The following PRDM4 variants were observed in gnomAD, a reference collection of about 807,000 sequenced individuals.
PRDM4 encodes PR domain zinc finger protein 4.
Under a neutral mutation model 62.3 loss-of-function variants are expected in PRDM4, and 38 were observed. The ratio of observed to expected loss-of-function variants is 0.61; its 90% CI spans 0.47 to 0.80. The LOEUF (loss-of-function observed/expected upper bound fraction) is 0.80, where lower values mean the gene tolerates loss of function less well. Among genes scored for constraint, PRDM4 ranks in the 30% least tolerant of loss-of-function variants. The pLI, the probability that PRDM4 is intolerant of heterozygous loss-of-function variation, is 0.00. For missense variants in PRDM4, 858 were observed against 997.1 expected, an observed-to-expected ratio of 0.86 and a Z score of 1.88; for synonymous variants, 339 against 348.2, an observed-to-expected ratio of 0.97 and a Z score of 0.30.
chr12:107,758,729 T>G (rs901964334), intron 2 of PRDM4, among the ~76,000 whole-genome samples: 22 of 152,230 alleles, frequency 1.4e-4, no homozygotes, highest in African/African-American at 5.3e-4. Flanking sequence ...ATAGACCTGT[T>G]TCTTGCATTA....
At chr12:107,757,855 G>T (rs1431961615) in intron 2 of PRDM4, among the ~76,000 whole-genome samples, 1 of 152,054 alleles carries the variant, frequency 6.6e-6, no homozygotes, top group Non-Finnish European at 1.5e-5. Context: ...GAGTAATACT[G>T]ATTTGAATAA....
chr12:107,743,388 C>T, intron 7 of PRDM4, 106 bp from the exon 8 acceptor site: 1 of 743,998 alleles, frequency 1.3e-6, no homozygotes, highest in Non-Finnish European at 2.3e-6. Flanking sequence ...GCAGTAGGTC[C>T]CAGCTTTCTT....
intron 2 of PRDM4, chr12:107,758,274 G>A (rs1322667081): frequency 1.6e-5 from 2 of 123,226 alleles, no homozygotes; most frequent in African/African-American, 6.6e-5. Context: ...TTTTGAGACA[G>A]GGTCTTGCTC....
Position 107,760,648 on chromosome 12 carries a change from G to T in PRDM4, c.-133C>A. On this transcript the variant is annotated 5_prime_UTR_variant, in exon 2 of 12. Transcript: ENST00000228437. ...CACCGACGCGGCCACTCGTCCCCGG[G>T]GTCGCCCGGGGCCGCCCAACTTCTC... is the stretch of plus-strand genomic sequence containing the variant. 8.4e-7 allele frequency: 1 copy of T among 1,184,740 alleles called. No homozygotes were observed. Among genetic ancestry groups the T allele is most frequent in the Non-Finnish European group, 1.2e-6 (1 of 851,532 alleles). 73.4% of individuals were successfully genotyped at this position (1,184,740 alleles called of 1,614,324 possible).
At chr12:107,744,684 T>C (rs1890630662) in intron 6 of PRDM4, 23 bp from the exon 7 acceptor site, 1 of 1,611,374 alleles carries the variant, frequency 6.2e-7, no homozygotes, top group Non-Finnish European at 8.5e-7. Flanking sequence ...GGACACCAAC[T>C]ACACAATCAA....
chr12:107,753,684 AAAG>A (rs1244780103), intron 4 of PRDM4, among the ~76,000 whole-genome samples: 1 of 152,236 alleles, frequency 6.6e-6, no homozygotes, highest in Non-Finnish European at 1.5e-5. Context: ...ACTGGAGGAG[AAAG>A]AAGAAAAATT....
chr12:107,753,000 A>G (rs1890945107), intron 4 of PRDM4, among the ~76,000 whole-genome samples: 2 of 152,232 alleles, frequency 1.3e-5, no homozygotes, highest in African/African-American at 4.8e-5. Context: ...AAAACCACGT[A>G]GCAGCAAAGG....
intron 11 of PRDM4, among the ~76,000 whole-genome samples, chr12:107,735,658 C>G (rs1268564165): frequency 6.6e-6 from 1 of 151,884 alleles, no homozygotes; most frequent in East Asian, 1.9e-4. Context: ...AAAAAATTAA[C>G]CCGGTCAAAA....
Position 107,739,436 on chromosome 12 carries a change from G to A in PRDM4, c.2040C>T (p.Asp680=), listed in dbSNP as rs749660735. The change falls in exon 11 of 12, where the codon GAC becomes GAT. Residue 680 remains aspartate (D), a synonymous_variant. Coordinates refer to ENST00000228437, the MANE Select transcript of PRDM4 (RefSeq NM_012406.4). ...GGTCCTGCCTCCGCATAAACAACTT[G>A]TCACAGTAATCACACTTAAGATTCT... is the stretch of plus-strand genomic sequence containing the variant. ...GEKNLKCDYC[D]KLFMRRQDLK... 2 of 1,613,922 alleles carry A rather than the reference G, an allele frequency of 1.2e-6. No homozygotes were observed.
chr12:107,749,621 A>G (rs998221593), intron 5 of PRDM4, among the ~76,000 whole-genome samples: 1 of 152,064 alleles, frequency 6.6e-6, no homozygotes, highest in Non-Finnish European at 1.5e-5. Flanking sequence ...AACTTTATCC[A>G]ATCGATAAGC....
chr12:107,744,887 C>A (rs527882932), intron 6 of PRDM4, among the ~76,000 whole-genome samples: 3 of 151,816 alleles, frequency 2.0e-5, no homozygotes, highest in African/African-American at 7.3e-5. Flanking sequence ...GGGTGAAACC[C>A]GGTCTCTACT....
intron 6 of PRDM4, among the ~76,000 whole-genome samples, chr12:107,745,569 G>A (rs550533304): frequency 1.3e-5 from 2 of 152,248 alleles, no homozygotes; most frequent in Non-Finnish European, 2.9e-5. Flanking sequence ...AACAGAGTGA[G>A]ACCCAGTCTC....
chr12:107,755,878 A>G (rs1208808275), intron 3 of PRDM4, among the ~76,000 whole-genome samples: 1 of 152,226 alleles, frequency 6.6e-6, no homozygotes, highest in Admixed American at 6.5e-5. Flanking sequence ...TGAGGGCAGG[A>G]GTTCGAGACC....
Position 107,741,017 on chromosome 12 carries a change from T to C in PRDM4, c.1853A>G (p.His618Arg). Residue 618 changes from histidine (H) to arginine (R), a missense_variant, in exon 10 of 12, where the codon CAC becomes CGC. Around this residue, in one of 3 missense-constraint regions of PRDM4, gnomAD observed 355 missense variants for 432.6 expected, o/e 0.82. Coordinates refer to ENST00000228437, the MANE Select transcript of PRDM4 (RefSeq NM_012406.4). ...HFMGHMGMKP[H>R]KCDFCSKAFS... ...AGCCTTGCTACAGAAATCACACTTG[T>C]GGGGCTTCATACCCATGTGACCCAT... The C allele has an allele frequency of 6.2e-7, 1 of 1,614,170 alleles. No homozygotes were observed. The highest frequency in any genetic ancestry group is 8.5e-7 in the Non-Finnish European group (1 of 1,180,036).
chr12:107,742,140 T>G, intron 9 of PRDM4, 81 bp downstream of exon 9: 1 of 1,436,304 alleles, frequency 7.0e-7, no homozygotes, highest in Non-Finnish European at 9.4e-7. Context: ...TCAGCTAACA[T>G]GTAAATCATT....
chr12:107,742,374 A>C lies in PRDM4; in HGVS notation c.1482-26T>G, dbSNP rs200288560. 3.7e-6 allele frequency: 6 copies of C among 1,611,620 alleles called. No homozygotes were observed. In the East Asian group the frequency reaches 1.3e-4, roughly 36 times the overall value. ...CTGAGTTATCACATTTAATAGATCAAGCACATTAATTTTGAAATGCATACT... is the reference window on the plus strand; with the variant it reads ...CTGAGTTATCACATTTAATAGATCACGCACATTAATTTTGAAATGCATACT... On this transcript the variant is annotated intron_variant, in intron 8 of 11. Transcript: ENST00000228437.
At position 107,744,545 on chromosome 12, in the gene PRDM4, T is replaced by G; in HGVS notation, c.1393A>C (p.Lys465Gln). The stretch of plus-strand genomic sequence containing the variant: ...AGAAAAGTTTCATCAGGACTGACCT[T>G]CCAGATATGGTTAACTGCCTTGTCT... Reference protein sequence around the residue: ...WTDKAVNHIWKIYHNGVLEFC... With the variant: ...WTDKAVNHIWQIYHNGVLEFC... The change falls in exon 7 of 12, where the codon AAG (lysine) becomes CAG (glutamine). Residue 465 changes from lysine (K) to glutamine (Q), a missense_variant and splice_region_variant. By Grantham distance (53) the Lys-to-Gln change is moderately conservative (BLOSUM62 1). Coordinates refer to ENST00000228437, the MANE Select transcript of PRDM4 (RefSeq NM_012406.4). 1 of 1,613,016 alleles carries G rather than the reference T, an allele frequency of 6.2e-7. No individual in the cohort carries two copies. Among genetic ancestry groups the G allele is most frequent in the Non-Finnish European group, 8.5e-7 (1 of 1,179,148 alleles).
intron 8 of PRDM4, 102 bp from the exon 9 acceptor site, chr12:107,742,450 C>G: frequency 7.9e-7 from 1 of 1,273,828 alleles, no homozygotes; most frequent in South Asian, 1.3e-5. Context: ...TTAGGCAGAA[C>G]TATTTACTAT....
At position 107,746,488 on chromosome 12, in the gene PRDM4, G is replaced by A. The variant is rs571228427; in HGVS notation, c.1127-64C>T. ...TTCAAGCAGGCTAAATTACCACCAC[G>A]GTTTTTTTTTTTTTTGAGACAAAGT... is the stretch of plus-strand genomic sequence containing the variant. On this transcript the variant is annotated intron_variant, in intron 5 of 11. Transcript: ENST00000228437. The A allele has an allele frequency of 8.9e-5, 120 of 1,351,700 alleles. No homozygotes were observed. In the African/African-American group the frequency reaches 1.6e-3, roughly 18 times the overall value. The allele number at this position is 1,351,700 out of a possible 1,614,324, so 83.7% of individuals were successfully genotyped here. A position where few individuals can be genotyped will look rare whatever the true frequency, so the allele number is the denominator to read the frequency against.
Sources: gnomAD v4.1 joint callset for allele counts (sites outside exome capture counted in the v4.1 genomes callset) on GRCh38, gnomAD v4.1.1 for gene constraint, gnomAD v4.1.1 regional missense constraint, MANE v1.5 for transcripts, NCBI Gene and HGNC (gene_info 2026-07-23, HGNC 2026-07-21) for gene names.